Variants in SAMD5 observed in about 807,000 individuals in gnomAD.
The protein encoded by SAMD5 is sterile alpha motif domain containing 5.
SAMD5 carries 13 observed loss-of-function variants against 11.3 expected under a neutral mutation model. The observed-to-expected ratio is 1.15, with a 90% CI of 0.75 to 1.83. SAMD5 has a LOEUF of 1.83. Among genes scored for constraint, SAMD5 ranks in the 40% most tolerant of loss-of-function variants. SAMD5 has a pLI of 0.00. For missense variants in SAMD5, 255 were observed against 239.1 expected, an observed-to-expected ratio of 1.07 and a Z score of -0.44; for synonymous variants, 129 against 111.3, an observed-to-expected ratio of 1.16 and a Z score of -1.00.
intron 1 of SAMD5, among the ~76,000 whole-genome samples, chr6:147,536,281 C>A (rs1788508537): frequency 6.6e-6 from 1 of 152,134 alleles, no homozygotes; most frequent in South Asian, 2.1e-4. Context: ...CTGCGTCCGG[C>A]CAAGAAAACA....
the SAMD5 span, among the ~76,000 whole-genome samples, chr6:147,849,298 G>A: frequency 6.6e-6 from 1 of 151,424 alleles, no homozygotes; most frequent in Non-Finnish European, 1.5e-5. Context: ...GTACGGTTAT[G>A]TATCTTATAT....
At chr6:147,866,044 G>T in the SAMD5 span, among the ~76,000 whole-genome samples, 1 of 151,976 alleles carries the variant, frequency 6.6e-6, no homozygotes, top group Middle Eastern at 3.4e-3. Flanking sequence ...AAAGAATCAG[G>T]TTTTCATTTA....
chr6:147,789,104 A>C, the SAMD5 span, among the ~76,000 whole-genome samples: 15 of 149,644 alleles, frequency 1.0e-4, no homozygotes, highest in East Asian at 2.0e-4. Context: ...AACAAACAAA[A>C]AAAAAAACAC....
the SAMD5 span, among the ~76,000 whole-genome samples, chr6:147,788,824 T>C: frequency 1.1e-4 from 17 of 152,242 alleles, no homozygotes; most frequent in Admixed American, 5.9e-4. Context: ...TGGCTCATGC[T>C]TGTAATCCCA....
At chr6:147,540,107 C>T (rs1788576147) in intron 1 of SAMD5, among the ~76,000 whole-genome samples, 1 of 151,038 alleles carries the variant, frequency 6.6e-6, no homozygotes, top group Non-Finnish European at 1.5e-5. Context: ...TTTTCTTTTA[C>T]AAGATTTAGA....
chr6:147,523,890 T>C (rs1470137079), intron 1 of SAMD5, among the ~76,000 whole-genome samples: 2 of 152,210 alleles, frequency 1.3e-5, no homozygotes, highest in East Asian at 3.9e-4. Context: ...AGTGTATCTC[T>C]GGCTTCCTTA....
At chr6:147,853,464 G>C in the SAMD5 span, among the ~76,000 whole-genome samples, 6 of 151,954 alleles carry the variant, frequency 3.9e-5, no homozygotes, top group Non-Finnish European at 8.8e-5. Context: ...GAGTAGACCT[G>C]TTAGGTTATA....
intron 1 of SAMD5, among the ~76,000 whole-genome samples, chr6:147,510,826 C>T (rs995943485): frequency 6.6e-6 from 1 of 152,174 alleles, no homozygotes; most frequent in Non-Finnish European, 1.5e-5. Context: ...GTTCCAGTTA[C>T]CCACTCTGTG....
chr6:147,857,921 C>T, the SAMD5 span, among the ~76,000 whole-genome samples: 2 of 152,176 alleles, frequency 1.3e-5, no homozygotes, highest in South Asian at 4.1e-4. Flanking sequence ...CTCGAGATAG[C>T]TTATTCTTAT....
chr6:147,538,573 C>T (rs1788550896), intron 1 of SAMD5, among the ~76,000 whole-genome samples: 1 of 152,134 alleles, frequency 6.6e-6, no homozygotes, highest in Admixed American at 6.5e-5. Flanking sequence ...CCTAGGACGT[C>T]AGACAGAAAT....
At chr6:147,808,967 A>G in the SAMD5 span, among the ~76,000 whole-genome samples, 1 of 152,344 alleles carries the variant, frequency 6.6e-6, no homozygotes, top group South Asian at 2.1e-4. Context: ...ATTTTGCTGT[A>G]TATTTATAAA....
the SAMD5 span, among the ~76,000 whole-genome samples, chr6:147,768,817 C>T: frequency 3.9e-5 from 6 of 152,052 alleles, no homozygotes; most frequent in Admixed American, 6.6e-5. Flanking sequence ...TTTTTTGAGA[C>T]GGAGTCTTGC....
chr6:147,766,999 T>C, the SAMD5 span, among the ~76,000 whole-genome samples: 1 of 151,970 alleles, frequency 6.6e-6, no homozygotes, highest in African/African-American at 2.4e-5. Context: ...AAAATATACA[T>C]GAGAAAGGAA....
At chr6:147,576,152 T>C (rs1472756779) in intron 1 of SAMD5, among the ~76,000 whole-genome samples, 1 of 151,754 alleles carries the variant, frequency 6.6e-6, no homozygotes, top group African/African-American at 2.4e-5. Flanking sequence ...CTTTTTTTTT[T>C]TTTTTGAGAT....
chr6:147,770,849 G>C, the SAMD5 span, among the ~76,000 whole-genome samples: 1 of 152,156 alleles, frequency 6.6e-6, no homozygotes, highest in African/African-American at 2.4e-5. Flanking sequence ...TTAGGAACTA[G>C]CTACTGTGCA....
chr6:147,624,773 T>A (rs1790026025), intron 1 of SAMD5, among the ~76,000 whole-genome samples: 1 of 151,976 alleles, frequency 6.6e-6, no homozygotes, highest in African/African-American at 2.4e-5. Context: ...GGGTTCGGTG[T>A]ATACTGCTCA....
At chr6:147,735,678 A>G (rs1454153205) in intron 1 of SAMD5, among the ~76,000 whole-genome samples, 1 of 151,606 alleles carries the variant, frequency 6.6e-6, no homozygotes, top group African/African-American at 2.4e-5. Flanking sequence ...ACATCAGTCT[A>G]TTCTTTTCCA....
chr6:147,560,411 T>A (rs1263537364), intron 1 of SAMD5, among the ~76,000 whole-genome samples: 6 of 152,160 alleles, frequency 3.9e-5, no homozygotes, highest in Admixed American at 1.3e-4. Context: ...CTGTCATCAA[T>A]TTTTTTGTTA....
intron 1 of SAMD5, among the ~76,000 whole-genome samples, chr6:147,624,882 TA>T (rs5880718): frequency 3.3e-5 from 5 of 150,030 alleles, no homozygotes; most frequent in East Asian, 2.0e-4. Context: ...AATAAAAAAT[TA>T]AAAAAAAAAC....
Sources: allele counts gnomAD v4.1 joint callset (sites outside exome capture counted in the v4.1 genomes callset), GRCh38; gene constraint gnomAD v4.1.1; transcripts MANE v1.5; gene names NCBI Gene and HGNC (gene_info 2026-07-23, HGNC 2026-07-21).